CSGALNACT1: variants seen among roughly 807,000 people sequenced by gnomAD.
CSGALNACT1 encodes the protein beta4GalNAcT-1.
In CSGALNACT1, 52 loss-of-function variants were observed where a neutral mutation model predicts 51.0. The ratio of observed to expected loss-of-function variants is 1.02; its 90% CI spans 0.82 to 1.29. The LOEUF is 1.29. CSGALNACT1 is among the 50% of genes most tolerant of loss of function. The pLI is 0.00. For missense variants in CSGALNACT1, 935 were observed against 679.2 expected (o/e 1.38, Z -4.19); for synonymous variants, 341 against 254.4 (o/e 1.34, Z -3.24).
chr8:19,710,917 C>T lies in CSGALNACT1; in HGVS notation c.-297+46933G>A, dbSNP rs377719004. Among the ~76,000 whole-genome samples, 172 of 151,460 alleles carry T rather than the reference C, an allele frequency of 1.1e-3. 2 individuals carry two copies. The South Asian group carries it at 0.028, about 24-fold the overall frequency. Reference sequence around the variant, plus strand: ...GATTGCATCACTACCGTATGCTCCTCTCTGATTTTTTTTTTCCTCAAAAGT... The same window carrying T: ...GATTGCATCACTACCGTATGCTCCTTTCTGATTTTTTTTTTCCTCAAAAGT... On this transcript the variant is annotated intron_variant, in intron 1 of 1. Transcript: ENST00000517494.
intron 1 of CSGALNACT1, among the ~76,000 whole-genome samples, chr8:19,672,152 G>T (rs545851623): frequency 6.6e-6 from 1 of 152,124 alleles, no homozygotes; most frequent in African/African-American, 2.4e-5. Context: ...CTCTCTTTCT[G>T]TCAAGGTTCC....
At chr8:19,698,611 C>T (rs1040839618) in intron 1 of CSGALNACT1, among the ~76,000 whole-genome samples, 4 of 152,172 alleles carry the variant, frequency 2.6e-5, no homozygotes, top group Non-Finnish European at 4.4e-5. Context: ...TGCTTTAAAA[C>T]TTACCTATGT....
At chr8:19,464,259 C>G (rs2066178335) in intron 4 of CSGALNACT1, among the ~76,000 whole-genome samples, 1 of 152,162 alleles carries the variant, frequency 6.6e-6, no homozygotes, top group Non-Finnish European at 1.5e-5. Flanking sequence ...ATCTGCCAAC[C>G]CACATCCTGG....
chr8:19,612,446 C>G (rs1009945412), intron 1 of CSGALNACT1, among the ~76,000 whole-genome samples: 2 of 152,084 alleles, frequency 1.3e-5, no homozygotes, highest in East Asian at 3.9e-4. Flanking sequence ...TCCCCATCCC[C>G]GCCATACCTT....
At position 19,629,674 on chromosome 8, in the gene CSGALNACT1, T is replaced by C. The variant is rs116868582; in HGVS notation, c.-543-27809A>G. ...TAAAACTGCATCAAATAATTAATTA[T>C]GGTTGTTTTCCAGCTGTAAAAGTAC... On this transcript the variant is annotated intron_variant, in intron 1 of 9. Coordinates refer to the CSGALNACT1 transcript ENST00000332246. Among the ~76,000 whole-genome samples the C allele has an allele frequency of 2.1e-3, 322 of 152,352 alleles. 1 individual carries two copies. Among genetic ancestry groups the C allele is most frequent in the Non-Finnish European group, 3.2e-3 (220 of 68,034 alleles).
At chr8:19,678,411 C>G (rs1206291690) in intron 1 of CSGALNACT1, among the ~76,000 whole-genome samples, 4 of 152,046 alleles carry the variant, frequency 2.6e-5, no homozygotes, top group African/African-American at 7.3e-5. Flanking sequence ...GGATAAGTCA[C>G]CAGGAAGGGT....
intron 6 of CSGALNACT1, among the ~76,000 whole-genome samples, chr8:19,431,813 CT>C (rs71205925): frequency 2.1e-4 from 32 of 148,982 alleles, no homozygotes; most frequent in African/African-American, 3.0e-4. Context: ...GTTCTTTTTT[CT>C]TTTTTTTTTT....
intron 3 of CSGALNACT1, among the ~76,000 whole-genome samples, chr8:19,577,644 G>C (rs2044576392): frequency 6.6e-6 from 1 of 151,560 alleles, no homozygotes; most frequent in African/African-American, 2.4e-5. Context: ...TAGGTATCAG[G>C]TTAGCATGCC....
At chr8:19,516,846 C>A (rs1446204043) in intron 3 of CSGALNACT1, among the ~76,000 whole-genome samples, 2 of 152,158 alleles carry the variant, frequency 1.3e-5, no homozygotes, top group Non-Finnish European at 2.9e-5. Flanking sequence ...TTCTGGGGAT[C>A]GAGGTGAACA....
At chr8:19,556,088 A>G (rs1445752138) in intron 3 of CSGALNACT1, among the ~76,000 whole-genome samples, 4 of 152,130 alleles carry the variant, frequency 2.6e-5, no homozygotes, top group Admixed American at 6.6e-5. Flanking sequence ...CATAAAAAGG[A>G]TGATTTTGGC....
chr8:19,639,188 C>T (rs973598845), intron 1 of CSGALNACT1, among the ~76,000 whole-genome samples: 15 of 152,104 alleles, frequency 9.9e-5, no homozygotes, highest in Non-Finnish European at 1.6e-4. Context: ...ATCTCATTTT[C>T]AAGTGACCCA....
intron 1 of CSGALNACT1, among the ~76,000 whole-genome samples, chr8:19,756,938 C>A (rs2065429290): frequency 6.6e-6 from 1 of 151,052 alleles, no homozygotes; most frequent in South Asian, 2.1e-4. Flanking sequence ...CGCGCGCCCA[C>A]CTGGAGGCGC....
At chr8:19,681,450 C>A (rs544825569) in intron 1 of CSGALNACT1, among the ~76,000 whole-genome samples, 111 of 152,248 alleles carry the variant, frequency 7.3e-4, no homozygotes, top group Admixed American at 6.9e-3. Flanking sequence ...TCTGTCGCCA[C>A]CAGCACAACA....
chr8:19,650,412 AG>A (rs2057691111), intron 1 of CSGALNACT1, among the ~76,000 whole-genome samples: 1 of 152,328 alleles, frequency 6.6e-6, no homozygotes, highest in Admixed American at 6.5e-5. Context: ...AAGATCCAGG[AG>A]GGGTTCTAGT....
intron 8 of CSGALNACT1, among the ~76,000 whole-genome samples, chr8:19,412,615 G>T (rs2056055823): frequency 6.6e-6 from 1 of 152,206 alleles, no homozygotes; most frequent in Non-Finnish European, 1.5e-5. Flanking sequence ...CCGTTAGCAG[G>T]GCCGGCTTAC....
intron 1 of CSGALNACT1, among the ~76,000 whole-genome samples, chr8:19,645,136 C>T (rs1454930711): frequency 6.6e-6 from 1 of 152,132 alleles, no homozygotes; most frequent in East Asian, 1.9e-4. Context: ...TTAATTTAGG[C>T]CTGCTCTCAC....
intron 1 of CSGALNACT1, among the ~76,000 whole-genome samples, chr8:19,719,080 C>A (rs1170264445): frequency 1.3e-5 from 2 of 152,168 alleles, no homozygotes; most frequent in Non-Finnish European, 2.9e-5. Context: ...TAAATTTGTA[C>A]CCTATTTCTA....
chr8:19,641,518 A>C (rs2056748177), intron 1 of CSGALNACT1, among the ~76,000 whole-genome samples: 1 of 152,168 alleles, frequency 6.6e-6, no homozygotes, highest in South Asian at 2.1e-4. Context: ...ACTCCATTAA[A>C]ACAAGATGTC....
chr8:19,656,132 A>T (rs1469095208), intron 1 of CSGALNACT1, among the ~76,000 whole-genome samples: 1 of 152,188 alleles, frequency 6.6e-6, no homozygotes. Flanking sequence ...CTCTCATGTT[A>T]TGAAAAGTTT....
Sources: allele counts gnomAD v4.1 joint callset (sites outside exome capture counted in the v4.1 genomes callset), GRCh38; gene constraint gnomAD v4.1.1; transcripts MANE v1.5; gene names NCBI Gene and HGNC (gene_info 2026-07-23, HGNC 2026-07-21).